The following KIZ variants were observed in gnomAD, a reference collection of about 807,000 sequenced individuals.
The protein encoded by KIZ is centrosomal protein kizuna.
KIZ carries 68 observed loss-of-function variants against 79.6 expected under a neutral mutation model. The observed-to-expected ratio is 0.85, with a 90% CI of 0.70 to 1.05. The LOEUF (loss-of-function observed/expected upper bound fraction) is 1.05. KIZ is among the 50% of genes least tolerant of loss of function. KIZ has a pLI of 0.00. For missense variants in KIZ, 797 were observed against 800.4 expected (o/e 1.00, Z 0.05); for synonymous variants, 280 against 281.8 (o/e 0.99, Z 0.06).
chr20:21,237,589 G>A (rs549482051), intron 11 of KIZ, among the ~76,000 whole-genome samples: 33 of 152,160 alleles, frequency 2.2e-4, no homozygotes, highest in South Asian at 1.2e-3. Context: ...TGTCATGCCC[G>A]CGTATGACCC....
chr20:21,242,804 G>A (rs1484841987), intron 11 of KIZ, among the ~76,000 whole-genome samples: 1 of 152,070 alleles, frequency 6.6e-6, no homozygotes, highest in African/African-American at 2.4e-5. Flanking sequence ...GGAGGTGCCG[G>A]GCTTCCTCTG....
At chr20:21,129,064 T>C (rs1468873680) in intron 1 of KIZ, among the ~76,000 whole-genome samples, 1 of 152,174 alleles carries the variant, frequency 6.6e-6, no homozygotes, top group African/African-American at 2.4e-5. Flanking sequence ...ATTTAATATG[T>C]AAGAATTGCA....
At chr20:21,189,408 T>G (rs897565723) in intron 6 of KIZ, among the ~76,000 whole-genome samples, 6 of 152,226 alleles carry the variant, frequency 3.9e-5, no homozygotes, top group African/African-American at 1.4e-4. Context: ...GATCCTTGGC[T>G]ATTAAAAATG....
intron 6 of KIZ, among the ~76,000 whole-genome samples, chr20:21,177,405 T>C (rs2034481240): frequency 6.6e-6 from 1 of 152,162 alleles, no homozygotes; most frequent in African/African-American, 2.4e-5. Flanking sequence ...TTTATTCAGG[T>C]CTTTAGCCCG....
chr20:21,233,949 GA>G (rs1012086516), intron 11 of KIZ, among the ~76,000 whole-genome samples: 2 of 152,166 alleles, frequency 1.3e-5, no homozygotes, highest in African/African-American at 4.8e-5. Context: ...AATGGGACAG[GA>G]AGAGTGTTAA....
chr20:21,161,813 A>AACC, intron 4 of KIZ, 58 bp from the exon 5 acceptor site: 1 of 1,087,984 alleles, frequency 9.2e-7, no homozygotes, highest in Non-Finnish European at 1.3e-6. Context: ...AAAAAAAAAA[A>AACC]CCCCACCTAA....
chr20:21,209,763 C>A (rs2035989764), intron 7 of KIZ, among the ~76,000 whole-genome samples: 2 of 152,246 alleles, frequency 1.3e-5, no homozygotes, highest in Admixed American at 1.3e-4. Context: ...CTGCTGTCCA[C>A]ATCCATTATT....
intron 9 of KIZ, among the ~76,000 whole-genome samples, chr20:21,220,306 AG>A (rs1290219598): frequency 6.6e-6 from 1 of 151,924 alleles, no homozygotes; most frequent in Non-Finnish European, 1.5e-5. Context: ...ACAGTCCTAT[AG>A]GGTAAACATT....
intron 6 of KIZ, among the ~76,000 whole-genome samples, chr20:21,184,411 A>G (rs2034789631): frequency 6.6e-6 from 1 of 152,094 alleles, no homozygotes; most frequent in South Asian, 2.1e-4. Context: ...CGGCCTCCCA[A>G]AGGGCTGGGA....
At chr20:21,177,001 A>T (rs369481022) in intron 6 of KIZ, among the ~76,000 whole-genome samples, 7 of 152,246 alleles carry the variant, frequency 4.6e-5, no homozygotes, top group African/African-American at 1.7e-4. Context: ...CCATTCATCC[A>T]TTGATGAACA....
At position 21,159,652 on chromosome 20, in the gene KIZ, A is replaced by T. The variant is rs1192219898; in HGVS notation, c.406-2219A>T. Among the ~76,000 whole-genome samples the T allele has an allele frequency of 2.6e-5, 4 of 152,234 alleles. 1 individual carries two copies. The South Asian group carries it at 6.2e-4, about 24-fold the overall frequency. ...TTTTATGACTGGCTTCTCATTTAGC[A>T]TGATATTTTCAAAGTTCATCCATGA... On this transcript the variant is annotated intron_variant, in intron 4 of 12. Transcript: ENST00000619189.
chr20:21,130,442 A>G (rs1454039511), intron 1 of KIZ, among the ~76,000 whole-genome samples: 1 of 152,230 alleles, frequency 6.6e-6, no homozygotes, highest in African/African-American at 2.4e-5. Context: ...TTCATTCTGC[A>G]TGAACCAAGT....
intron 7 of KIZ, among the ~76,000 whole-genome samples, chr20:21,213,058 A>C (rs930876611): frequency 6.6e-6 from 1 of 152,234 alleles, no homozygotes; most frequent in African/African-American, 2.4e-5. Context: ...TTCTTTGGCC[A>C]AGGGGACTAG....
chr20:21,204,120 T>G (rs1331619377), intron 6 of KIZ, among the ~76,000 whole-genome samples: 42 of 134,984 alleles, frequency 3.1e-4, no homozygotes, highest in South Asian at 7.7e-4. Flanking sequence ...TTTTTTTTTT[T>G]TTTTTTTTTT....
chr20:21,197,357 G>A (rs2035384371), intron 6 of KIZ: 1 of 152,166 alleles, frequency 6.6e-6, no homozygotes, highest in Non-Finnish European at 1.5e-5. Flanking sequence ...GATCTGAATG[G>A]AAAACTAATA....
At chr20:21,155,318 A>C (rs890616523) in intron 4 of KIZ, among the ~76,000 whole-genome samples, 1 of 152,228 alleles carries the variant, frequency 6.6e-6, no homozygotes, top group Non-Finnish European at 1.5e-5. Context: ...TATCCTTAAA[A>C]TAGAATATTA....
intron 6 of KIZ, among the ~76,000 whole-genome samples, chr20:21,183,350 G>A (rs117217344): frequency 2.6e-5 from 4 of 152,306 alleles, no homozygotes; most frequent in Non-Finnish European, 4.4e-5. Context: ...AACCATTGAC[G>A]TGTACATTTT....
chr20:21,201,797 C>G (rs1174685237), intron 6 of KIZ, among the ~76,000 whole-genome samples: 1 of 152,150 alleles, frequency 6.6e-6, no homozygotes, highest in Non-Finnish European at 1.5e-5. Flanking sequence ...TCCTTTAAAT[C>G]CTTTGTACCA....
At chr20:21,134,165 A>G (rs1308460364) in intron 2 of KIZ, among the ~76,000 whole-genome samples, 1 of 152,186 alleles carries the variant, frequency 6.6e-6, no homozygotes, top group Non-Finnish European at 1.5e-5. Context: ...GGTGGGCACA[A>G]AGGGTGTCTC....
Sources: gnomAD v4.1 joint callset for allele counts (sites outside exome capture counted in the v4.1 genomes callset) on GRCh38, gnomAD v4.1.1 for gene constraint, MANE v1.5 for transcripts, NCBI Gene and HGNC (gene_info 2026-07-23, HGNC 2026-07-21) for gene names.